Variants in ACOT11 observed in about 807,000 individuals in gnomAD.
ACOT11 encodes the protein acyl-coenzyme A thioesterase 11.
ACOT11 carries 69 observed loss-of-function variants against 77.5 expected under a neutral mutation model. The ratio of observed to expected loss-of-function variants is 0.89; its 90% CI spans 0.73 to 1.09. The LOEUF is 1.09. Among genes scored for constraint, ACOT11 ranks in the 50% least tolerant of loss-of-function variants. The pLI is 0.00. For synonymous variants in ACOT11, 279 were observed against 313.0 expected (o/e 0.89, Z 1.15); for missense variants, 766 against 813.7 (o/e 0.94, Z 0.71).
intron 15 of ACOT11, among the ~76,000 whole-genome samples, chr1:54,615,531 G>A (rs1348778378): frequency 6.6e-6 from 1 of 152,030 alleles, no homozygotes; most frequent in African/African-American, 2.4e-5. Context: ...GAGGAGGGAG[G>A]TCCTGGAGAG....
rs142398152 is a variant in ACOT11, at chr1:54,595,734, G to A, written c.607+1043G>A. On this transcript the variant is annotated intron_variant, in intron 6 of 15. Transcript: ENST00000343744. ...TGGACTGGGTGGGATTTTGACAGAT[G>A]GGAGATAAGGAAGGGTTTCTGACAG... Among the ~76,000 whole-genome samples, 182 of 152,318 alleles carry A rather than the reference G, an allele frequency of 1.2e-3. 6 individuals are homozygous for A. The East Asian group carries it at 0.03, about 26-fold the overall frequency.
At chr1:54,594,499 T>C in intron 5 of ACOT11, 57 bp from the exon 6 acceptor site, 1 of 1,569,224 alleles carries the variant, frequency 6.4e-7, no homozygotes, top group Non-Finnish European at 8.6e-7. Flanking sequence ...GACAGGCCCT[T>C]GTGCTATTTC....
intron 1 of ACOT11, among the ~76,000 whole-genome samples, chr1:54,550,877 T>C (rs1260770173): frequency 1.3e-5 from 2 of 150,432 alleles, no homozygotes; most frequent in Admixed American, 6.6e-5. Context: ...TGGTGACCCA[T>C]GCCTGTAATC....
At chr1:54,618,270 G>A (rs377568575) in intron 15 of ACOT11, among the ~76,000 whole-genome samples, 8 of 152,270 alleles carry the variant, frequency 5.3e-5, no homozygotes, top group African/African-American at 1.9e-4. Flanking sequence ...TTGGGAGCCC[G>A]AGAAGGGCGG....
intron 1 of ACOT11, among the ~76,000 whole-genome samples, chr1:54,574,029 C>CAAAA (rs368096166): frequency 1.1e-5 from 1 of 87,384 alleles, no homozygotes; most frequent in Admixed American, 1.3e-4. Context: ...AACTCCATCT[C>CAAAA]AAAAAAAAAA....
At chr1:54,572,912 C>T (rs1653974566) in intron 1 of ACOT11, 4 of 985,156 alleles carry the variant, frequency 4.1e-6, no homozygotes, top group African/African-American at 1.7e-5. Flanking sequence ...GAGGTTTCCT[C>T]CCACTCTGAG....
intron 1 of ACOT11, among the ~76,000 whole-genome samples, chr1:54,567,352 C>T (rs1431072696): frequency 6.6e-6 from 1 of 150,674 alleles, no homozygotes; most frequent in Non-Finnish European, 1.5e-5. Flanking sequence ...GATCTAGGCT[C>T]ACTGCAACCT....
rs1024588912 is a variant in ACOT11 at position 54,607,337 on chromosome 1, A to G, written c.1502+72A>G. 3 of 1,590,688 alleles carry G rather than the reference A, an allele frequency of 1.9e-6. No homozygotes were observed. Among genetic ancestry groups the G allele is most frequent in the South Asian group, 2.2e-5 (2 of 89,406 alleles). On this transcript the variant is annotated intron_variant, in intron 14 of 15. Coordinates refer to ENST00000343744, the MANE Select transcript of ACOT11 (RefSeq NM_147161.4). This position sits in a 1 kb window ranked among gnomAD's most constrained non-coding sequence, Gnocchi z 4.5. ...GGTAGGGTGGCCGCTTCTCCCTCCC[A>G]GGGAAGGGCATCAGCCTGGAGCCAG...
At chr1:54,601,477 G>A in intron 9 of ACOT11, 64 bp downstream of exon 9, 11 of 1,574,092 alleles carry the variant, frequency 7.0e-6, no homozygotes, top group Non-Finnish European at 9.5e-6. Context: ...GCCCTGGCAT[G>A]GTGGAGACTG....
intron 15 of ACOT11, among the ~76,000 whole-genome samples, chr1:54,625,101 C>A: frequency 6.6e-6 from 1 of 152,122 alleles, no homozygotes; most frequent in East Asian, 1.9e-4. Flanking sequence ...AACACCCCCT[C>A]CCCACCACTG....
downstream of ACOT11, chr1:54,611,071 CTG>C (rs1166472060): frequency 2.1e-6 from 2 of 946,068 alleles, no homozygotes; most frequent in African/African-American, 1.8e-5. Flanking sequence ...AGCTGAGTGA[CTG>C]TATAAATTCC....
chr1:54,603,219 C>G (rs1052369067), intron 10 of ACOT11, among the ~76,000 whole-genome samples: 3 of 152,176 alleles, frequency 2.0e-5, no homozygotes, highest in Admixed American at 2.0e-4. Context: ...CGCCTGTAGT[C>G]CCAGTGCACC....
Position 54,584,788 on chromosome 1 carries a change from G to A in ACOT11, c.167G>A (p.Cys56Tyr). ...EVQMSQLVLPCHTNQRGELSV... is the reference protein window; with the variant it reads ...EVQMSQLVLPYHTNQRGELSV... ...CAGATGAGCCAGCTGGTGCTGCCCT[G>A]CCACACCAACCAACGTGGTGAGCTG... Residue 56 changes from cysteine (C) to tyrosine (Y), a missense_variant, in exon 2 of 16, where the codon TGC (cysteine) becomes TAC (tyrosine). Cys to Tyr is a radical substitution (Grantham distance 194, BLOSUM62 -2). Coordinates refer to ENST00000343744, the MANE Select transcript of ACOT11 (RefSeq NM_147161.4). The surrounding 1 kb of genome is among the most constrained non-coding windows in gnomAD (Gnocchi z 6.3). The A allele has an allele frequency of 6.2e-7, 1 of 1,614,096 alleles. No homozygotes were observed. The highest frequency in any genetic ancestry group is 8.5e-7 in the Non-Finnish European group (1 of 1,180,038).
At chr1:54,579,920 T>C (rs773773853) in intron 1 of ACOT11, among the ~76,000 whole-genome samples, 36 of 152,170 alleles carry the variant, frequency 2.4e-4, no homozygotes, top group Non-Finnish European at 4.0e-4. Context: ...GTGGAAACAG[T>C]CCACTTTGAA....
At chr1:54,562,571 G>C (rs1322487100) in intron 1 of ACOT11, among the ~76,000 whole-genome samples, 1 of 147,608 alleles carries the variant, frequency 6.8e-6, no homozygotes, top group Non-Finnish European at 1.5e-5. Flanking sequence ...CCTCCCGGAC[G>C]GGGTGGCTGC....
chr1:54,626,293 A>G (rs1644272335), intron 15 of ACOT11, among the ~76,000 whole-genome samples: 1 of 151,784 alleles, frequency 6.6e-6, no homozygotes, highest in South Asian at 2.1e-4. Flanking sequence ...GAAAAAAGAG[A>G]AAAGACAAGA....
At position 54,609,729 on chromosome 1, in the gene ACOT11, T is replaced by C. The variant is rs868533061; in HGVS notation, c.*617T>C. 5 of 1,614,140 alleles carry C rather than the reference T, an allele frequency of 3.1e-6. 1 individual carries two copies. The highest frequency in any genetic ancestry group is 2.2e-5 in the East Asian group (1 of 44,882). ...ACAGGCCAATGCAAGAGGCCAAGGC[T>C]GGAGAGGCGTGCCAGCAAGGCCAGG... is the stretch of plus-strand genomic sequence containing the variant. On this transcript the variant is annotated 3_prime_UTR_variant, in exon 16 of 16. Transcript: ENST00000343744.
In ACOT11 at chr1:54,599,435, G is replaced by A. The variant is rs750535276; in HGVS notation, c.884+20G>A. 17 of 1,591,274 alleles carry A rather than the reference G, an allele frequency of 1.1e-5. No homozygotes were observed. Among genetic ancestry groups the A allele is most frequent in the Non-Finnish European group, 1.5e-5 (17 of 1,166,560 alleles). The stretch of plus-strand genomic sequence containing the variant: ...ACATAGGTGAGGGTCTGGGATGGGT[G>A]CGGCCACGTCCATTCAGGGCTGAGG... On this transcript the variant is annotated intron_variant, in intron 8 of 15. Coordinates refer to ENST00000343744, the MANE Select transcript of ACOT11 (RefSeq NM_147161.4).
At chr1:54,555,114 C>T (rs186929702) in intron 1 of ACOT11, among the ~76,000 whole-genome samples, 1 of 152,300 alleles carries the variant, frequency 6.6e-6, no homozygotes, top group East Asian at 1.9e-4. Flanking sequence ...ATTGCGACAC[C>T]ATGCCTGGCT....
Sources: gnomAD v4.1 joint callset for allele counts (sites outside exome capture counted in the v4.1 genomes callset) on GRCh38, gnomAD v4.1.1 for gene constraint, Gnocchi (gnomAD v3.1) non-coding constraint, MANE v1.5 for transcripts, NCBI Gene and HGNC (gene_info 2026-07-23, HGNC 2026-07-21) for gene names.